CSN1S1: variants seen among roughly 807,000 people sequenced by gnomAD.
CSN1S1 encodes the protein alpha-S1-casein.
Under a neutral mutation model 49.1 loss-of-function variants are expected in CSN1S1, and 63 were observed. The ratio of observed to expected loss-of-function variants is 1.28; its 90% CI spans 1.05 to 1.58. CSN1S1 has a LOEUF of 1.58. Among genes scored for constraint, CSN1S1 ranks in the 40% most tolerant of loss-of-function variants. CSN1S1 has a pLI of 0.00. For missense variants in CSN1S1, 260 were observed against 224.7 expected, an observed-to-expected ratio of 1.16 and a Z score of -1.01; for synonymous variants, 78 against 67.1, an observed-to-expected ratio of 1.16 and a Z score of -0.79.
At chr4:69,939,144 G>C (rs748789590) in intron 9 of CSN1S1, 32 bp from the exon 10 acceptor site, 2 of 1,540,352 alleles carry the variant, frequency 1.3e-6, no homozygotes, top group African/African-American at 2.8e-5. Flanking sequence ...AAAATCCCAG[G>C]GGATAATTAA....
At chr4:69,936,533 CAT>C (rs1456857862) in intron 6 of CSN1S1, 31 bp from the exon 7 acceptor site, 3 of 1,602,594 alleles carry the variant, frequency 1.9e-6, no homozygotes, top group Non-Finnish European at 2.6e-6. Context: ...TTCATGAAAA[CAT>C]ATTTTACAAG....
At chr4:69,932,747 A>G (rs191461313) in intron 2 of CSN1S1, 141 bp downstream of exon 2, 7 of 714,464 alleles carry the variant, frequency 9.8e-6, no homozygotes, top group Admixed American at 9.2e-5. Context: ...GACAATAGAA[A>G]TGCAGTAATG....
intron 4 of CSN1S1, 114 bp downstream of exon 4, chr4:69,934,824 A>T: frequency 2.2e-6 from 2 of 890,298 alleles, no homozygotes; most frequent in East Asian, 2.5e-5. Flanking sequence ...CTTCAAATGC[A>T]TCCAACAACT....
intron 5 of CSN1S1, 114 bp from the exon 6 acceptor site, chr4:69,936,342 G>T (rs192140921): frequency 9.5e-6 from 8 of 846,546 alleles, no homozygotes; most frequent in Admixed American, 5.4e-5. Context: ...CAGGAAAAAT[G>T]GATTTATTTT....
At chr4:69,940,871 T>G in intron 11 of CSN1S1, 148 bp from the exon 12 acceptor site, 1 of 461,390 alleles carries the variant, frequency 2.2e-6, no homozygotes, top group Non-Finnish European at 4.0e-6. Context: ...CCAAATTATT[T>G]GGGGTAGAAA....
chr4:69,936,205 T>A (rs1327402523), intron 5 of CSN1S1, among the ~76,000 whole-genome samples: 6 of 152,048 alleles, frequency 3.9e-5, no homozygotes, highest in African/African-American at 1.2e-4. Flanking sequence ...AATTTATTTT[T>A]AAATTTGTAT....
chr4:69,933,960 T>C (rs557310991), intron 2 of CSN1S1, among the ~76,000 whole-genome samples: 5 of 152,168 alleles, frequency 3.3e-5, no homozygotes, highest in Admixed American at 2.6e-4. Context: ...TACATAGTTT[T>C]CTCAACTACC....
At chr4:69,936,304 A>C (rs780171169) in intron 5 of CSN1S1, among the ~76,000 whole-genome samples, 152 bp from the exon 6 acceptor site, 1 of 152,042 alleles carries the variant, frequency 6.6e-6, no homozygotes, top group Non-Finnish European at 1.5e-5. Flanking sequence ...AAGGTTAGAA[A>C]TGATATAATA....
intron 10 of CSN1S1, 34 bp from the exon 11 acceptor site, chr4:69,939,987 A>C (rs1021746365): frequency 1.6e-6 from 2 of 1,266,102 alleles, no homozygotes; most frequent in African/African-American, 3.1e-5. Flanking sequence ...AATGTCGTGA[A>C]ATTAAAACTA....
At chr4:69,932,221 T>C (rs759580812) in intron 1 of CSN1S1, among the ~76,000 whole-genome samples, 2 of 151,924 alleles carry the variant, frequency 1.3e-5, no homozygotes, top group Non-Finnish European at 2.9e-5. Context: ...ATTTCAATAT[T>C]AGCACTTCTT....
chr4:69,936,023 C>A, intron 5 of CSN1S1, 74 bp downstream of exon 5: 1 of 1,145,688 alleles, frequency 8.7e-7, no homozygotes, highest in Non-Finnish European at 1.3e-6. Context: ...AGACTCAGAA[C>A]AGTGCCTAAA....
At chr4:69,936,016 C>A in intron 5 of CSN1S1, 67 bp downstream of exon 5, 2 of 1,213,634 alleles carry the variant, frequency 1.6e-6, no homozygotes, top group Non-Finnish European at 2.3e-6. Context: ...GATCAGGAGA[C>A]TCAGAACAGT....
rs528184382 is a variant in CSN1S1, at chr4:69,941,784, A to C, written c.343-262A>C. Among the ~76,000 whole-genome samples, 6 of 152,034 alleles carry C rather than the reference A, an allele frequency of 3.9e-5. No homozygotes were observed. In the South Asian group the frequency reaches 1.2e-3, roughly 32 times the overall value. ...GTATCCAAATAAATTTAAACACATT[A>C]GTACCCCAATAGAATTCATCATTAT... On this transcript the variant is annotated intron_variant, in intron 12 of 15. Transcript: ENST00000246891.
At chr4:69,946,165 A>G in intron 15 of CSN1S1, 31 bp from the exon 16 acceptor site, 1 of 520,200 alleles carries the variant, frequency 1.9e-6, no homozygotes, top group Non-Finnish European at 3.6e-6. Context: ...ATTTAATATA[A>G]CTCACCACAT....
chr4:69,938,156 G>C (rs17629671), intron 9 of CSN1S1, among the ~76,000 whole-genome samples: 37,924 of 151,540 alleles, frequency 0.25, 5,143 homozygotes, highest in South Asian at 0.35. Flanking sequence ...TGTTTAAAAT[G>C]AGAGTCCCAC....
intron 14 of CSN1S1, among the ~76,000 whole-genome samples, chr4:69,942,842 T>A (rs1723018960): frequency 6.6e-6 from 1 of 151,934 alleles, no homozygotes; most frequent in African/African-American, 2.4e-5. Context: ...CATGTCTTGA[T>A]GTTTACAGTG....
At chr4:69,932,854 C>A (rs1248076393) in intron 2 of CSN1S1, among the ~76,000 whole-genome samples, 2 of 151,574 alleles carry the variant, frequency 1.3e-5, no homozygotes, top group Non-Finnish European at 2.9e-5. Context: ...TAAAAAAGAG[C>A]TAAAAATTTA....
chr4:69,940,670 A>C (rs1228204195), intron 11 of CSN1S1, among the ~76,000 whole-genome samples: 1 of 151,862 alleles, frequency 6.6e-6, no homozygotes. Flanking sequence ...CTGTCCATTT[A>C]ATATTCTAAT....
intron 13 of CSN1S1, 126 bp downstream of exon 13, chr4:69,942,189 T>C (rs1722991259): frequency 1.7e-6 from 1 of 603,664 alleles, no homozygotes; most frequent in African/African-American, 1.9e-5. Context: ...TATCTGATAA[T>C]ATTTTACTTA....
Sources: allele counts gnomAD v4.1 joint callset (sites outside exome capture counted in the v4.1 genomes callset), GRCh38; gene constraint gnomAD v4.1.1; transcripts MANE v1.5; gene names NCBI Gene and HGNC (gene_info 2026-07-23, HGNC 2026-07-21).